The following SPON2 variants were observed in gnomAD, a reference collection of about 807,000 sequenced individuals.
SPON2 encodes spondin-2.
In SPON2, 32 loss-of-function variants were observed where a neutral mutation model predicts 29.9. The ratio of observed to expected loss-of-function variants is 1.07; its 90% CI spans 0.81 to 1.44. The LOEUF is 1.44. Among genes scored for constraint, SPON2 ranks in the 40% most tolerant of loss-of-function variants. SPON2 has a pLI of 0.00. For missense variants in SPON2, 541 were observed against 455.5 expected (o/e 1.19, Z -1.71); for synonymous variants, 248 against 209.1 (o/e 1.19, Z -1.61).
chr4:1,172,385 G>C lies in SPON2; in HGVS notation c.-4+159C>G, dbSNP rs1727488150. 3 of 496,680 alleles carry C rather than the reference G, an allele frequency of 6.0e-6. No homozygotes were observed. The South Asian group carries it at 6.5e-5, about 11-fold the overall frequency. The allele number at this position is 496,680 out of a possible 1,614,324, so 30.8% of individuals were successfully genotyped here. On this transcript the variant is annotated intron_variant, in intron 1 of 5. Transcript: ENST00000290902. Reference sequence around the variant, plus strand: ...ATGCCTTCGCCGTCGCAGGGACCCGGGGCCTTGGCCGACTGGCTGCCCCCG... The same window carrying C: ...ATGCCTTCGCCGTCGCAGGGACCCGCGGCCTTGGCCGACTGGCTGCCCCCG...
At chr4:1,185,011 A>G (rs1294521958) in intron 1 of SPON2, among the ~76,000 whole-genome samples, 2 of 151,960 alleles carry the variant, frequency 1.3e-5, no homozygotes, top group East Asian at 3.9e-4. Flanking sequence ...TCTCACATAT[A>G]TGGCCAGATG....
At chr4:1,176,731 C>T (rs907408789), upstream of SPON2, among the ~76,000 whole-genome samples, 2 of 151,962 alleles carry the variant, frequency 1.3e-5, no homozygotes, top group East Asian at 3.9e-4. Flanking sequence ...TACATTGATT[C>T]ACACAGTACA....
upstream of SPON2, among the ~76,000 whole-genome samples, chr4:1,175,742 C>G (rs1184892582): frequency 1.3e-5 from 2 of 151,718 alleles, no homozygotes; most frequent in Middle Eastern, 3.2e-3. Context: ...AGTGGTGGGC[C>G]CAGGCCTCGG....
Position 1,207,625 on chromosome 4 carries a change from CACAT to C in SPON2, c.-234+251_-234+254del, listed in dbSNP as rs1309492575. 4.1e-3 allele frequency among the ~76,000 whole-genome samples: 543 copies of C among 131,206 alleles called. 4 individuals are homozygous for C. Among genetic ancestry groups the C allele is most frequent in the African/African-American group, 0.014 (456 of 32,120 alleles). The allele number at this position is 131,206 out of a possible 152,430, so 86.1% of individuals were successfully genotyped here. A position where few individuals can be genotyped will look rare whatever the true frequency, so the allele number is the denominator to read the frequency against. On this transcript the variant is annotated intron_variant, in intron 1 of 3. Transcript: ENST00000509233. ...GCTGCCTAACCATGCGCCGCGCTTA[CACAT>C]GCTCCAGAGGGTCCGGCTGCCTAAC...
At chr4:1,177,386 A>G (rs1727624677), upstream of SPON2, among the ~76,000 whole-genome samples, 1 of 152,218 alleles carries the variant, frequency 6.6e-6, no homozygotes, top group African/African-American at 2.4e-5. Context: ...ATGTGTTGCT[A>G]AGGTTGGACT....
chr4:1,167,276 A>G lies in SPON2; in HGVS notation c.*196T>C, dbSNP rs1727265888. Reference sequence around the variant, plus strand: ...GGGCCCCTAAGAAGCAAGGTTGGGAAAGGAGGAGGCTGTTTCCCAATGCCC... The same window carrying G: ...GGGCCCCTAAGAAGCAAGGTTGGGAGAGGAGGAGGCTGTTTCCCAATGCCC... On this transcript the variant is annotated 3_prime_UTR_variant, in exon 6 of 6. Transcript: ENST00000290902. 5.4e-6 allele frequency: 3 copies of G among 555,506 alleles called. No homozygotes were observed. The highest frequency in any genetic ancestry group is 3.4e-5 in the Admixed American group (1 of 29,498). 34.4% of individuals were successfully genotyped at this position (555,506 alleles called of 1,614,324 possible). A position where few individuals can be genotyped will look rare whatever the true frequency, so the allele number is the denominator to read the frequency against.
chr4:1,186,410 TCTC>T (rs960702349), intron 1 of SPON2, among the ~76,000 whole-genome samples: 4 of 151,980 alleles, frequency 2.6e-5, no homozygotes, highest in African/African-American at 9.7e-5. Flanking sequence ...TTCCAGCAAT[TCTC>T]CTGTCTCAAC....
exon 1 of SPON2, chr4:1,208,107 G>A (rs561652872): frequency 6.6e-6 from 1 of 152,558 alleles, no homozygotes; most frequent in South Asian, 2.1e-4. Context: ...TGCGGGGGTA[G>A]GCCTGGGAGG....
At chr4:1,197,689 G>A (rs1728099701), upstream of SPON2, among the ~76,000 whole-genome samples, 1 of 28,300 alleles carries the variant, frequency 3.5e-5, no homozygotes. Context: ...GTAAAAAGGA[G>A]AAATGATTGT....
Position 1,171,042 on chromosome 4 carries a change from G to A in SPON2, c.593C>T (p.Ser198Phe), listed in dbSNP as rs1180825065. The part of the protein sequence containing the change: ...DAGTDSGFTF[S>F]SPNFATIPQD... Reference sequence around the variant, plus strand: ...CGGGATGGTGGCGAAGTTGGGGGAGGAGAAGGTGAAGCCGCTGTCCGTCCC... The same window carrying A: ...CGGGATGGTGGCGAAGTTGGGGGAGAAGAAGGTGAAGCCGCTGTCCGTCCC... The change falls in exon 4 of 6, where the codon TCC (serine) becomes TTC (phenylalanine). Residue 198 changes from serine (S) to phenylalanine (F), a missense_variant. Coordinates refer to ENST00000290902, the MANE Select transcript of SPON2 (RefSeq NM_012445.4). 11 of 1,549,122 alleles carry A rather than the reference G, an allele frequency of 7.1e-6. No homozygotes were observed. In the East Asian group the frequency reaches 2.2e-4, roughly 31 times the overall value.
chr4:1,172,865 CTCCCTGTCCCCTCCCTT>C (rs1727504116), upstream of SPON2: 1 of 123,712 alleles, frequency 8.1e-6, no homozygotes, highest in African/African-American at 3.1e-5. Flanking sequence ...CTCCCCTCCC[CTCCCTGTCCCCTCCCTT>C]CCCCTCCCCT....
upstream of SPON2, among the ~76,000 whole-genome samples, chr4:1,177,724 A>G (rs1727630933): frequency 1.3e-5 from 2 of 152,088 alleles, no homozygotes; most frequent in South Asian, 4.1e-4. Flanking sequence ...TGGCATGTCA[A>G]CGGCTCTTTC....
rs75384111 is a variant in SPON2, at chr4:1,170,961, G to T, written c.636+38C>A. 3.7e-3 allele frequency: 5,721 copies of T among 1,545,138 alleles called. 192 individuals carry two copies. The African/African-American group carries it at 0.07, about 19-fold the overall frequency. Reference sequence around the variant, plus strand: ...CCCCAGCCCCGTCCCCACCGCGGGGGCCATAGCGGCCCTTGCGCACGCGGG... The same window carrying T: ...CCCCAGCCCCGTCCCCACCGCGGGGTCCATAGCGGCCCTTGCGCACGCGGG... On this transcript the variant is annotated intron_variant, in intron 4 of 5. Transcript: ENST00000290902.
Position 1,171,995 on chromosome 4 carries a change from C to T in SPON2, c.77G>A (p.Gly26Asp). 6.2e-7 allele frequency: 1 copy of T among 1,612,874 alleles called. No individual in the cohort carries two copies. Among genetic ancestry groups the T allele is most frequent in the African/African-American group, 1.3e-5 (1 of 75,056 alleles). The stretch of plus-strand genomic sequence containing the variant: ...GATGGACTCTCCCCCAAGAGGCTGG[C>T]CGGCGGCGCCGAGAGTGGCCAGGAG... ...ALLLATLGAAGQPLGGESICS... is the reference protein window; with the variant it reads ...ALLLATLGAADQPLGGESICS... Residue 26 changes from glycine (G) to aspartate (D), a missense_variant, in exon 2 of 6, where the codon GGC (glycine) becomes GAC (aspartate). By Grantham distance (94) the Gly-to-Asp change is moderately conservative. Transcript: ENST00000290902.
At chr4:1,195,868 C>T (rs1022288035), upstream of SPON2, among the ~76,000 whole-genome samples, 2 of 152,214 alleles carry the variant, frequency 1.3e-5, no homozygotes, top group African/African-American at 4.8e-5. Context: ...CTCCTGGCTT[C>T]GAGCCATCCT....
intron 1 of SPON2, among the ~76,000 whole-genome samples, chr4:1,194,480 A>G (rs1727994858): frequency 6.6e-6 from 1 of 151,384 alleles, no homozygotes; most frequent in African/African-American, 2.5e-5. Flanking sequence ...AGAAACGGGG[A>G]AGCCGGGCCG....
intron 1 of SPON2, among the ~76,000 whole-genome samples, chr4:1,179,988 A>C (rs1255863373): frequency 6.6e-6 from 1 of 152,126 alleles, no homozygotes; most frequent in Non-Finnish European, 1.5e-5. Flanking sequence ...GAAAAAAAAA[A>C]GGAAAATCTG....
In SPON2 at chr4:1,170,014, G is replaced by A. The variant is rs552815023; in HGVS notation, c.811+388C>T. 4.9e-4 allele frequency: 108 copies of A among 220,542 alleles called. No individual in the cohort carries two copies. The East Asian group carries it at 6.0e-3, about 12-fold the overall frequency. The allele number at this position is 220,542 out of a possible 1,614,324, so 13.7% of individuals were successfully genotyped here. On this transcript the variant is annotated intron_variant, in intron 5 of 5. Coordinates refer to ENST00000290902, the MANE Select transcript of SPON2 (RefSeq NM_012445.4). ...CCGAGCTGTGTGGTGGCTGGGTCCC[G>A]AGACCCCCACAGGTGCCCTGCAGCA...
upstream of SPON2, chr4:1,198,934 G>A (rs1728133142): frequency 6.6e-6 from 1 of 151,354 alleles, no homozygotes; most frequent in Admixed American, 6.6e-5. Context: ...ACAAATCCAG[G>A]GTCGACTCGT....
Sources: allele counts gnomAD v4.1 joint callset (sites outside exome capture counted in the v4.1 genomes callset), GRCh38; gene constraint gnomAD v4.1.1; transcripts MANE v1.5; gene names NCBI Gene and HGNC (gene_info 2026-07-23, HGNC 2026-07-21).